The following SPTBN1 variants were observed in gnomAD, a reference collection of about 807,000 sequenced individuals.
SPTBN1 encodes spectrin beta chain, non-erythrocytic 1.
A neutral mutation model predicts 266.4 loss-of-function variants in SPTBN1; 32 were observed. That is an observed-to-expected ratio of 0.12 (90% CI 0.09 to 0.16). SPTBN1 has a LOEUF of 0.16. Among genes scored for constraint, SPTBN1 ranks in the 10% least tolerant of loss-of-function variants. The probability of loss-of-function intolerance (pLI) is 1.00; values close to 1 mark genes in which losing one functional copy is unlikely to be tolerated. For synonymous variants in SPTBN1, 1,336 were observed against 1,162.2 expected, an observed-to-expected ratio of 1.15 and a Z score of -3.04; for missense variants, 2,296 against 3,067.1, an observed-to-expected ratio of 0.75 and a Z score of 5.94.
chr2:54,564,188 ATAT>A (rs1190083469), intron 2 of SPTBN1, among the ~76,000 whole-genome samples: 3 of 152,200 alleles, frequency 2.0e-5, no homozygotes, highest in African/African-American at 7.2e-5. Flanking sequence ...CTTAAATCTA[ATAT>A]TTTACTAGGA....
chr2:54,474,097 T>G (rs1322376270), intron 1 of SPTBN1, among the ~76,000 whole-genome samples: 1 of 152,228 alleles, frequency 6.6e-6, no homozygotes, highest in East Asian at 1.9e-4. Context: ...CACTGGTAGG[T>G]GGAGTAATGA....
intron 1 of SPTBN1, among the ~76,000 whole-genome samples, chr2:54,489,530 G>A (rs1485096988): frequency 1.1e-4 from 16 of 141,288 alleles, no homozygotes; most frequent in African/African-American, 2.4e-4. Context: ...GTGAAACCCC[G>A]TCTTACTAAA....
chr2:54,474,413 A>G (rs1267659173), intron 1 of SPTBN1, among the ~76,000 whole-genome samples: 2 of 152,082 alleles, frequency 1.3e-5, no homozygotes, highest in African/African-American at 2.4e-5. Flanking sequence ...TGATTTCACC[A>G]TGGGCCCACT....
At chr2:54,472,092 A>G (rs1395656008) in intron 1 of SPTBN1, among the ~76,000 whole-genome samples, 1 of 124,754 alleles carries the variant, frequency 8.0e-6, no homozygotes, top group Non-Finnish European at 1.6e-5. Flanking sequence ...CAGTGGCGCG[A>G]TCTTGGCTCA....
chr2:54,644,631 C>A, intron 20 of SPTBN1, 45 bp downstream of exon 20: 1 of 1,562,824 alleles, frequency 6.4e-7, no homozygotes, highest in Non-Finnish European at 8.7e-7. Flanking sequence ...TTCTGTTTTA[C>A]AGCCATAGTC....
At chr2:54,600,730 T>TG (rs35005894) in intron 3 of SPTBN1, among the ~76,000 whole-genome samples, 2 of 150,952 alleles carry the variant, frequency 1.3e-5, no homozygotes, top group African/African-American at 4.9e-5. Context: ...TTTTTTTTTT[T>TG]GTGGAGTGGG....
At chr2:54,625,086 G>T in intron 11 of SPTBN1, 124 bp downstream of exon 11, 1 of 1,175,206 alleles carries the variant, frequency 8.5e-7, no homozygotes, top group Non-Finnish European at 1.2e-6. Context: ...AGGAACGTCA[G>T]GTCACCTTGG....
intron 1 of SPTBN1, among the ~76,000 whole-genome samples, chr2:54,498,332 A>G (rs550675174): frequency 1.3e-5 from 2 of 152,328 alleles, no homozygotes; most frequent in African/African-American, 4.8e-5. Context: ...ATTTTATTTA[A>G]TTTAAATTAA....
chr2:54,643,124 G>T lies in SPTBN1; in HGVS notation c.4000G>T (p.Glu1334Ter). Residue 1334 changes from glutamate (E) to a stop codon, truncating the protein, a stop_gained, in exon 19 of 36, where the codon GAG (glutamate) becomes TAG (stop). Coordinates refer to ENST00000356805, the MANE Select transcript of SPTBN1 (RefSeq NM_003128.3). LOFTEE classifies it high-confidence loss of function. Reference protein sequence around the residue: ...ASNKEWLDKIEKEGMQLISEK... With the variant: ...ASNKEWLDKI ...CAACAAAGAATGGCTTGACAAAATC[G>T]AGAAGGTGAGTTAAAACATTTGATG... 1 of 1,614,078 alleles carries T rather than the reference G, an allele frequency of 6.2e-7. No homozygotes were observed. Among genetic ancestry groups the T allele is most frequent in the African/African-American group, 1.3e-5 (1 of 75,050 alleles).
At chr2:54,666,487 T>C (rs920312980) in intron 34 of SPTBN1, among the ~76,000 whole-genome samples, 2 of 152,214 alleles carry the variant, frequency 1.3e-5, no homozygotes, top group Non-Finnish European at 2.9e-5. Flanking sequence ...TATCTGGAGA[T>C]GGGTCAAGTG....
intron 1 of SPTBN1, among the ~76,000 whole-genome samples, chr2:54,460,343 ATTTG>A (rs1298151863): frequency 1.3e-5 from 2 of 152,046 alleles, no homozygotes; most frequent in Non-Finnish European, 2.9e-5. Context: ...ACTGTAAATT[ATTTG>A]TTTAATACAA....
chr2:54,644,220 A>T, intron 19 of SPTBN1, 103 bp from the exon 20 acceptor site: 3 of 1,426,662 alleles, frequency 2.1e-6, no homozygotes, highest in Non-Finnish European at 2.9e-6. Context: ...GTATTGAGTG[A>T]ATGGTTAAAT....
At chr2:54,634,383 T>G (rs1455189329) in intron 17 of SPTBN1, among the ~76,000 whole-genome samples, 1 of 152,228 alleles carries the variant, frequency 6.6e-6, no homozygotes, top group Non-Finnish European at 1.5e-5. Context: ...GGGCTACTGG[T>G]GTTCCAGAGC....
chr2:54,629,814 C>T lies in SPTBN1; in HGVS notation c.2669+11C>T, dbSNP rs10195423. The T allele has an allele frequency of 9.2e-3, 14,840 of 1,609,256 alleles. 852 individuals carry two copies. The African/African-American group carries it at 0.14, about 15-fold the overall frequency. ...GGTCATCCAGCACAGGTGAGCGGGG[C>T]GCTGGTCAGCCACTGGCCTGTTCCT... is the stretch of plus-strand genomic sequence containing the variant. On this transcript the variant is annotated intron_variant, in intron 14 of 35. Transcript: ENST00000356805.
chr2:54,653,697 T>G lies in SPTBN1; in HGVS notation c.5666T>G (p.Val1889Gly). The change falls in exon 27 of 36, where the codon GTC (valine) becomes GGC (glycine). Residue 1889 changes from valine (V) to glycine (G), a missense_variant. Val to Gly is a moderately radical substitution (Grantham distance 109, BLOSUM62 -3). Around this residue, in one of 12 missense-constraint regions of SPTBN1, gnomAD observed 644 missense variants for 745.3 expected, o/e 0.86. Coordinates refer to ENST00000356805, the MANE Select transcript of SPTBN1 (RefSeq NM_003128.3). This position sits in a 1 kb window ranked among gnomAD's most constrained non-coding sequence, Gnocchi z 5.1. ...ADDIQKRENEVLEAWKSLLDA... is the reference protein window; with the variant it reads ...ADDIQKRENEGLEAWKSLLDA... Reference sequence around the variant, plus strand: ...GATATCCAGAAGCGCGAGAACGAGGTCCTGGAAGCCTGGAAGTCCCTCCTG... The same window carrying G: ...GATATCCAGAAGCGCGAGAACGAGGGCCTGGAAGCCTGGAAGTCCCTCCTG... The G allele has an allele frequency of 6.2e-7, 1 of 1,613,974 alleles. No homozygotes were observed. Among genetic ancestry groups the G allele is most frequent in the Non-Finnish European group, 8.5e-7 (1 of 1,179,960 alleles).
In SPTBN1 at chr2:54,629,518, A is replaced by G. The variant is rs757348488; in HGVS notation, c.2384A>G (p.Asn795Ser). ...KHKDVAEEIANYRPTLDTLHE... is the reference protein window; with the variant it reads ...KHKDVAEEIASYRPTLDTLHE... Reference sequence around the variant, plus strand: ...AAGGACGTGGCGGAAGAGATCGCCAATTACAGGCCCACCCTTGACACGCTG... The same window carrying G: ...AAGGACGTGGCGGAAGAGATCGCCAGTTACAGGCCCACCCTTGACACGCTG... The change falls in exon 14 of 36, where the codon AAT becomes AGT. Residue 795 changes from asparagine (N) to serine (S), a missense_variant. Coordinates refer to ENST00000356805, the MANE Select transcript of SPTBN1 (RefSeq NM_003128.3). The G allele has an allele frequency of 1.9e-6, 3 of 1,614,124 alleles. No individual in the cohort carries two copies. The highest frequency in any genetic ancestry group is 1.1e-5 in the South Asian group (1 of 91,090).
At chr2:54,519,701 TA>T (rs1670319050) in intron 1 of SPTBN1, among the ~76,000 whole-genome samples, 1 of 152,132 alleles carries the variant, frequency 6.6e-6, no homozygotes. Context: ...TTTAGGGGGA[TA>T]AAATAACTGG....
chr2:54,530,353 C>CGTTTTTTTTTTTTTTT (rs1671145023), intron 2 of SPTBN1, among the ~76,000 whole-genome samples: 1 of 73,882 alleles, frequency 1.4e-5, no homozygotes, highest in Non-Finnish European at 2.4e-5. Context: ...TTGTAAAAAA[C>CGTTTTTTTTTTTTTTT]TTTTTTTTTT....
At chr2:54,516,362 GT>G (rs778018339) in intron 1 of SPTBN1, 2 of 152,122 alleles carry the variant, frequency 1.3e-5, no homozygotes, top group Non-Finnish European at 2.9e-5. Flanking sequence ...CTCCCAAAAT[GT>G]AATTTTTAGC....
Sources: allele counts gnomAD v4.1 joint callset (sites outside exome capture counted in the v4.1 genomes callset), GRCh38; gene constraint gnomAD v4.1.1; regional missense constraint gnomAD v4.1.1; non-coding constraint Gnocchi (gnomAD v3.1); transcripts MANE v1.5; gene names NCBI Gene and HGNC (gene_info 2026-07-23, HGNC 2026-07-21).